MCM8: variants seen among roughly 807,000 people sequenced by gnomAD.
MCM8 encodes the protein minichromosome maintenance 8 homologous recombination repair factor.
A neutral mutation model predicts 98.9 loss-of-function variants in MCM8; 85 were observed. The ratio of observed to expected loss-of-function variants is 0.86; its 90% CI spans 0.72 to 1.03. The LOEUF (loss-of-function observed/expected upper bound fraction) is 1.03. MCM8 is among the 50% of genes least tolerant of loss of function. The pLI is 0.00. For missense variants in MCM8, 951 were observed against 997.8 expected (o/e 0.95, Z 0.63); for synonymous variants, 352 against 338.6 (o/e 1.04, Z -0.44).
At chr20:5,962,603 C>T (rs1346083527) in intron 7 of MCM8, among the ~76,000 whole-genome samples, 3 of 140,242 alleles carry the variant, frequency 2.1e-5, no homozygotes, top group Admixed American at 6.9e-5. Context: ...CTCGATCTCC[C>T]GACCTCATGA....
At position 5,967,911 on chromosome 20, in the gene MCM8, C is replaced by CA. The variant is rs1568580052; in HGVS notation, c.1112dup (p.Ser372GlufsTer3). The stretch of plus-strand genomic sequence containing the variant: ...ATTAGTAATAGCAAAGGACAGAAAA[C>CA]AAAGAGTTCTGAGGATGGGTGTAAG... On this transcript the variant is annotated frameshift_variant, in exon 10 of 19. Coordinates refer to ENST00000610722, the MANE Select transcript of MCM8 (RefSeq NM_032485.6). LOFTEE classifies it high-confidence loss of function. The CA allele has an allele frequency of 3.1e-6, 5 of 1,613,942 alleles. No individual in the cohort carries two copies. The highest frequency in any genetic ancestry group is 4.2e-6 in the Non-Finnish European group (5 of 1,179,894).
intron 18 of MCM8, 28 bp from the exon 19 acceptor site, chr20:5,994,261 TTACTTAATGG>T (rs757914578): frequency 1.8e-5 from 22 of 1,209,052 alleles, no homozygotes; most frequent in Non-Finnish European, 2.6e-5. Flanking sequence ...TTTTGACATG[TTACTTAATGG>T]GCTAAACCTT....
intron 13 of MCM8, among the ~76,000 whole-genome samples, chr20:5,982,242 T>G (rs903092587): frequency 6.6e-6 from 1 of 152,182 alleles, no homozygotes; most frequent in South Asian, 2.1e-4. Context: ...TCAAAAAGAC[T>G]AATCAGCAGT....
In MCM8 at chr20:5,985,999, G is replaced by A. The variant is rs993745214; in HGVS notation, c.2031G>A (p.Val677=). The A allele has an allele frequency of 1.9e-6, 3 of 1,614,100 alleles. No homozygotes were observed. Among genetic ancestry groups the A allele is most frequent in the African/African-American group, 2.7e-5 (2 of 74,936 alleles). The change falls in exon 16 of 19, where the codon GTG becomes GTA. Residue 677 remains valine, a synonymous_variant. Transcript: ENST00000610722. The part of the protein sequence containing the change: ...RKYIGYARQY[V]YPRLSTEAAR... ...ACATTGGCTATGCTCGGCAGTATGT[G>A]TACCCAAGGCTATCCACAGAAGCTG...
chr20:5,961,397 A>C (rs1001267987), intron 7 of MCM8, among the ~76,000 whole-genome samples: 1 of 152,210 alleles, frequency 6.6e-6, no homozygotes, highest in African/African-American at 2.4e-5. Context: ...GAAGGGTTGA[A>C]TCCTTAGTGA....
chr20:5,990,338 A>G (rs1048971695), intron 17 of MCM8, among the ~76,000 whole-genome samples: 4 of 152,122 alleles, frequency 2.6e-5, no homozygotes, highest in East Asian at 1.9e-4. Context: ...TGGCCTCCCA[A>G]AGTGCTGGGA....
At chr20:5,957,255 T>C in intron 6 of MCM8, 26 bp downstream of exon 6, 1 of 1,545,602 alleles carries the variant, frequency 6.5e-7, no homozygotes, top group Non-Finnish European at 8.9e-7. Flanking sequence ...TATTAAAGTA[T>C]TACTTAGAAT....
rs201817863 is a variant in MCM8, at chr20:5,993,480, T to G, written c.2241-26T>G. 8.9e-5 allele frequency: 134 copies of G among 1,497,816 alleles called. No individual in the cohort carries two copies. The East Asian group carries it at 3.0e-3, about 34-fold the overall frequency. 92.8% of individuals were successfully genotyped at this position (1,497,816 alleles called of 1,614,324 possible). On this transcript the variant is annotated intron_variant, in intron 17 of 18. Coordinates refer to ENST00000610722, the MANE Select transcript of MCM8 (RefSeq NM_032485.6). Reference sequence around the variant, plus strand: ...ATTTCTATGGCAGTGCTACATTGGGTAATTTTTTCTTCCTTTCTTTTTAAG... The same window carrying G: ...ATTTCTATGGCAGTGCTACATTGGGGAATTTTTTCTTCCTTTCTTTTTAAG...
chr20:5,963,325 C>G lies in MCM8; in HGVS notation c.841C>G (p.Pro281Ala), dbSNP rs769187514. ...GRSFTALRSS[P>A]LTVTMDWQSI... ...GTCATTTACTGCTCTCCGCAGCTCT[C>G]CTCTCACAGTTACGATGGACTGGCA... The change falls in exon 8 of 19, where the codon CCT becomes GCT. Residue 281 changes from proline to alanine, a missense_variant. Physicochemically the swap from Pro to Ala is conservative, Grantham distance 27 (BLOSUM62 -1). Transcript: ENST00000610722. 1 of 1,614,042 alleles carries G rather than the reference C, an allele frequency of 6.2e-7. No homozygotes were observed. Among genetic ancestry groups the G allele is most frequent in the Admixed American group, 1.7e-5 (1 of 60,020 alleles).
chr20:5,981,483 A>G (rs1243362279), intron 13 of MCM8, among the ~76,000 whole-genome samples: 2 of 152,228 alleles, frequency 1.3e-5, no homozygotes, highest in African/African-American at 2.4e-5. Context: ...AAGGTGGCAC[A>G]AAGTTCAACA....
chr20:5,966,186 T>A (rs1209950147), intron 8 of MCM8, among the ~76,000 whole-genome samples: 2 of 152,134 alleles, frequency 1.3e-5, no homozygotes, highest in East Asian at 1.9e-4. Flanking sequence ...CTTTTCCTCC[T>A]CTTTGTAACC....
intron 8 of MCM8, among the ~76,000 whole-genome samples, chr20:5,963,761 T>A (rs1208009633): frequency 6.6e-6 from 1 of 152,048 alleles, no homozygotes; most frequent in Non-Finnish European, 1.5e-5. Flanking sequence ...TGGTCTTGAT[T>A]TCCTGACCTC....
chr20:5,958,354 C>T (rs985967288), intron 6 of MCM8, among the ~76,000 whole-genome samples, 174 bp from the exon 7 acceptor site: 2 of 152,118 alleles, frequency 1.3e-5, no homozygotes, highest in East Asian at 1.9e-4. Flanking sequence ...GGCAACAGAG[C>T]GAGACTCCAT....
Position 5,983,127 on chromosome 20 carries a change from A to AC in MCM8, c.1696dup (p.His566ProfsTer4). 1 of 1,613,740 alleles carries AC rather than the reference A, an allele frequency of 6.2e-7. No individual in the cohort carries two copies. Among genetic ancestry groups the AC allele is most frequent in the Non-Finnish European group, 8.5e-7 (1 of 1,179,914 alleles). Reference sequence around the variant, plus strand: ...TTGCTGCTGCAAATCCAGTTGGAGGACATTACAATAAAGCCAAAACAGTTT... The same window carrying AC: ...TTGCTGCTGCAAATCCAGTTGGAGGACCATTACAATAAAGCCAAAACAGTTT... On this transcript the variant is annotated frameshift_variant, in exon 14 of 19. Transcript: ENST00000610722. LOFTEE classifies it high-confidence loss of function.
rs749490653 is a variant in MCM8, at chr20:5,963,323, C to G, written c.839C>G (p.Ser280Cys). ...AGGTCATTTACTGCTCTCCGCAGCT[C>G]TCCTCTCACAGTTACGATGGACTGG... The part of the protein sequence containing the change: ...RGRSFTALRS[S>C]PLTVTMDWQS... Residue 280 changes from serine to cysteine, a missense_variant, in exon 8 of 19, where the codon TCT becomes TGT. Physicochemically the swap from Ser to Cys is moderately radical, Grantham distance 112 (BLOSUM62 -1). Transcript: ENST00000610722. The G allele has an allele frequency of 7.3e-5, 118 of 1,614,090 alleles. 1 individual carries two copies. In the East Asian group the frequency reaches 2.2e-3, roughly 30 times the overall value.
intron 7 of MCM8, among the ~76,000 whole-genome samples, chr20:5,962,352 CTTTTTTTTTTTT>C (rs926577182): frequency 0.031 from 1,253 of 40,456 alleles, 20 homozygotes; most frequent in Non-Finnish European, 0.036. Context: ...GCCTTCATTT[CTTTTTTTTTTTT>C]TTTTTTTTTT....
chr20:5,970,322 TG>T (rs1347221547), intron 10 of MCM8, among the ~76,000 whole-genome samples: 1 of 152,214 alleles, frequency 6.6e-6, no homozygotes, highest in East Asian at 1.9e-4. Context: ...AGCAATGATT[TG>T]GATCAACATA....
At chr20:5,991,475 AAAAG>A (rs754157243) in intron 17 of MCM8, 1 of 152,192 alleles carries the variant, frequency 6.6e-6, no homozygotes, top group Non-Finnish European at 1.5e-5. Context: ...GCCCCTGAAA[AAAAG>A]AGGTCTTATT....
Position 5,979,355 on chromosome 20 carries a change from C to T in MCM8, c.1537+1338C>T, listed in dbSNP as rs113223491. 0.014 allele frequency among the ~76,000 whole-genome samples: 2,114 copies of T among 152,112 alleles called. 155 individuals carry two copies. The East Asian group carries it at 0.23, about 17-fold the overall frequency. ...ATTTACCTTCTTGGTGATCTTGTAT[C>T]GTTTCATTGGCTTTACCTACCTATC... On this transcript the variant is annotated intron_variant, in intron 13 of 18. Coordinates refer to ENST00000610722, the MANE Select transcript of MCM8 (RefSeq NM_032485.6).
Sources: allele counts gnomAD v4.1 joint callset (sites outside exome capture counted in the v4.1 genomes callset), GRCh38; gene constraint gnomAD v4.1.1; transcripts MANE v1.5; gene names NCBI Gene and HGNC (gene_info 2026-07-23, HGNC 2026-07-21).